The following LRRTM4 variants were observed in gnomAD, a reference collection of about 807,000 sequenced individuals.
LRRTM4 encodes the protein leucine rich repeat transmembrane neuronal 4.
In LRRTM4, 25 loss-of-function variants were observed where a neutral mutation model predicts 47.6. The observed-to-expected ratio is 0.53, with a 90% CI of 0.38 to 0.73. The LOEUF is 0.73. Among genes scored for constraint, LRRTM4 ranks in the 30% least tolerant of loss-of-function variants. The pLI is 0.00. For synonymous variants in LRRTM4, 311 were observed against 269.5 expected, an observed-to-expected ratio of 1.15 and a Z score of -1.51; for missense variants, 638 against 713.4, an observed-to-expected ratio of 0.89 and a Z score of 1.20.
At chr2:77,022,804 T>C (rs1236956871) in intron 3 of LRRTM4, among the ~76,000 whole-genome samples, 1 of 152,338 alleles carries the variant, frequency 6.6e-6, no homozygotes, top group East Asian at 1.9e-4. Context: ...GCTGCTTTTA[T>C]GGGCTGGCAT....
At chr2:76,781,527 T>C (rs1357296996) in intron 3 of LRRTM4, among the ~76,000 whole-genome samples, 1 of 152,180 alleles carries the variant, frequency 6.6e-6, no homozygotes, top group African/African-American at 2.4e-5. Flanking sequence ...CCAGGTGCGG[T>C]GCATCACCCC....
At chr2:77,102,219 G>A (rs990822052) in intron 3 of LRRTM4, among the ~76,000 whole-genome samples, 4 of 152,170 alleles carry the variant, frequency 2.6e-5, no homozygotes, top group African/African-American at 9.7e-5. Flanking sequence ...GCACCCTCAT[G>A]TGGTTCTAGG....
At chr2:77,210,948 G>A (rs1282963394) in intron 3 of LRRTM4, among the ~76,000 whole-genome samples, 3 of 152,004 alleles carry the variant, frequency 2.0e-5, no homozygotes, top group Admixed American at 6.6e-5. Context: ...GTGGTAGCCC[G>A]CCCATTACCT....
chr2:77,011,143 T>C (rs1677855904), intron 3 of LRRTM4, among the ~76,000 whole-genome samples: 2 of 152,158 alleles, frequency 1.3e-5, no homozygotes, highest in African/African-American at 2.4e-5. Context: ...TTAGTAATCA[T>C]GTCTTAGTAA....
At chr2:77,385,862 C>A (rs1305858586) in intron 3 of LRRTM4, among the ~76,000 whole-genome samples, 1 of 150,154 alleles carries the variant, frequency 6.7e-6, no homozygotes, top group Non-Finnish European at 1.5e-5. Context: ...ATTCTTCTGG[C>A]CCAGCCTCCC....
chr2:77,066,400 C>G (rs1376886493), intron 3 of LRRTM4, among the ~76,000 whole-genome samples: 2 of 152,186 alleles, frequency 1.3e-5, no homozygotes, highest in Non-Finnish European at 2.9e-5. Context: ...ATCATCTTTG[C>G]AGGTACAGCT....
intron 3 of LRRTM4, among the ~76,000 whole-genome samples, chr2:76,899,746 T>C (rs1005301692): frequency 3.2e-4 from 48 of 152,156 alleles, no homozygotes; most frequent in African/African-American, 1.1e-3. Context: ...AATACAAAGA[T>C]AAATTAAAAG....
chr2:77,243,790 T>A (rs1256572402), intron 3 of LRRTM4, among the ~76,000 whole-genome samples: 1 of 147,452 alleles, frequency 6.8e-6, no homozygotes, highest in Admixed American at 6.8e-5. Context: ...TTTATTATAC[T>A]TTAAGTTTTA....
At chr2:77,488,597 T>C (rs1414748295) in intron 3 of LRRTM4, among the ~76,000 whole-genome samples, 1 of 152,222 alleles carries the variant, frequency 6.6e-6, no homozygotes, top group African/African-American at 2.4e-5. Flanking sequence ...GTTGAGACTT[T>C]AATGAAATTT....
chr2:77,390,415 T>G (rs1673455166), intron 3 of LRRTM4, among the ~76,000 whole-genome samples: 1 of 152,088 alleles, frequency 6.6e-6, no homozygotes, highest in South Asian at 2.1e-4. Context: ...TATTGTATTT[T>G]GTTACCAAAA....
intron 3 of LRRTM4, among the ~76,000 whole-genome samples, chr2:77,079,832 CTTTT>C (rs1229681518): frequency 2.6e-5 from 4 of 151,418 alleles, no homozygotes; most frequent in South Asian, 2.1e-4. Flanking sequence ...TATTCTTTTA[CTTTT>C]TTTTAGTTTT....
chr2:76,816,109 T>C (rs1214788948), intron 3 of LRRTM4, among the ~76,000 whole-genome samples: 1 of 152,122 alleles, frequency 6.6e-6, no homozygotes, highest in Admixed American at 6.6e-5. Context: ...TCCTCCCTGC[T>C]TTCCTGTGTT....
At chr2:76,818,997 CATGGT>C in intron 3 of LRRTM4, among the ~76,000 whole-genome samples, 1 of 151,688 alleles carries the variant, frequency 6.6e-6, no homozygotes, top group East Asian at 1.9e-4. Context: ...TAATTGTCGA[CATGGT>C]ATGGAACAAA....
chr2:77,258,062 C>A (rs1273197298), intron 3 of LRRTM4, among the ~76,000 whole-genome samples: 3 of 151,004 alleles, frequency 2.0e-5, no homozygotes, highest in African/African-American at 7.3e-5. Context: ...TGCCATTGCA[C>A]TCTAGCCTGA....
chr2:77,206,177 CTATTTTTT>C (rs1229032518), intron 3 of LRRTM4, among the ~76,000 whole-genome samples: 2 of 123,380 alleles, frequency 1.6e-5, no homozygotes, highest in African/African-American at 6.1e-5. Context: ...TTTCAAAATT[CTATTTTTT>C]TTTTTTTTTT....
At chr2:77,032,508 G>A (rs766334216) in intron 3 of LRRTM4, among the ~76,000 whole-genome samples, 9 of 151,866 alleles carry the variant, frequency 5.9e-5, no homozygotes, top group Non-Finnish European at 1.2e-4. Flanking sequence ...AGCAGAAATT[G>A]GCACAAAATA....
At position 77,250,463 on chromosome 2, in the gene LRRTM4, T is replaced by TCTATAG. The variant is rs770087520; in HGVS notation, c.1551+267854_1551+267855insCTATAG. ...CTTCTGTCCAATTTTATAGTGAATC[T>TCTATAG]AAAACTTCTCTAAAGATAAAGTTAT... On this transcript the variant is annotated intron_variant, in intron 3 of 3. Coordinates refer to ENST00000409884, the MANE Select transcript of LRRTM4 (RefSeq NM_001134745.3). Among the ~76,000 whole-genome samples, 75 of 152,302 alleles carry TCTATAG rather than the reference T, an allele frequency of 4.9e-4. 1 individual carries two copies. Among genetic ancestry groups the TCTATAG allele is most frequent in the South Asian group, 1.0e-3 (5 of 4,822 alleles).
chr2:76,936,954 C>CAAAAAAAAAAAAAAAAAAA (rs56140303), intron 3 of LRRTM4, among the ~76,000 whole-genome samples: 5 of 22,692 alleles, frequency 2.2e-4, no homozygotes, highest in African/African-American at 5.4e-4. Flanking sequence ...GACTCCATCT[C>CAAAAAAAAAAAAAAAAAAA]AAAAAAAAAA....
chr2:76,908,398 C>T (rs1410786224), intron 3 of LRRTM4, among the ~76,000 whole-genome samples: 1 of 151,644 alleles, frequency 6.6e-6, no homozygotes, highest in Non-Finnish European at 1.5e-5. Flanking sequence ...ACTGAATGGG[C>T]AAAAACTGGA....
Sources: gnomAD v4.1 joint callset for allele counts (sites outside exome capture counted in the v4.1 genomes callset) on GRCh38, gnomAD v4.1.1 for gene constraint, MANE v1.5 for transcripts, NCBI Gene and HGNC (gene_info 2026-07-23, HGNC 2026-07-21) for gene names.